The following DNAJB13 variants were observed in gnomAD, a reference collection of about 807,000 sequenced individuals.
DNAJB13 encodes DnaJ heat shock protein family (Hsp40) member B13.
In DNAJB13, 22 loss-of-function variants were observed where a neutral mutation model predicts 35.6. The ratio of observed to expected loss-of-function variants is 0.62; its 90% confidence interval spans 0.44 to 0.88. The LOEUF (loss-of-function observed/expected upper bound fraction) is 0.88, where lower values mean the gene tolerates loss of function less well. Among genes scored for constraint, DNAJB13 ranks in the 40% least tolerant of loss-of-function variants. The pLI, the probability that DNAJB13 is intolerant of heterozygous loss-of-function variation, is 0.00. For synonymous variants in DNAJB13, 136 were observed against 144.2 expected (o/e 0.94, Z 0.41); for missense variants, 370 against 384.3 (o/e 0.96, Z 0.31).
intron 3 of DNAJB13, 125 bp from the exon 4 acceptor site, chr11:73,964,753 T>C (rs1414883310): frequency 4.6e-6 from 5 of 1,083,098 alleles, no homozygotes; most frequent in Non-Finnish European, 5.4e-6. Flanking sequence ...GGAGCATATC[T>C]GGATAGGGAG....
intron 4 of DNAJB13, 57 bp downstream of exon 4, chr11:73,965,092 G>T: frequency 1.3e-6 from 2 of 1,513,134 alleles, no homozygotes; most frequent in South Asian, 1.3e-5. Context: ...CCTAGCAGCT[G>T]CCTCCTCCCT....
At chr11:73,961,560 C>CTCCA (rs1950932996) in intron 3 of DNAJB13, among the ~76,000 whole-genome samples, 1 of 152,240 alleles carries the variant, frequency 6.6e-6, no homozygotes, top group South Asian at 2.1e-4. Context: ...AACCTAGTGT[C>CTCCA]TCCACAACAG....
intron 1 of DNAJB13, among the ~76,000 whole-genome samples, chr11:73,956,226 G>A (rs1950737611): frequency 6.6e-6 from 1 of 152,192 alleles, no homozygotes; most frequent in Admixed American, 6.5e-5. Context: ...GGGAAGGGGA[G>A]TCTAACCTAG....
intron 4 of DNAJB13, chr11:73,965,869 C>T (rs1951100784): frequency 4.6e-6 from 2 of 432,604 alleles, no homozygotes; most frequent in Middle Eastern, 6.7e-4. Context: ...CAGCCCCCAG[C>T]CCCAGTCTCA....
At chr11:73,964,765 CTGTGTGTGTGTGTGTGTGTG>C (rs3222042) in intron 3 of DNAJB13, 93 bp from the exon 4 acceptor site, 97 of 659,672 alleles carry the variant, frequency 1.5e-4, no homozygotes, top group Middle Eastern at 9.2e-4. Context: ...GATAGGGAGG[CTGTGTGTGTGTGTGTGTGTG>C]TGTGTGTGTG....
chr11:73,960,327 C>T (rs1199968302), intron 3 of DNAJB13, among the ~76,000 whole-genome samples: 5 of 152,084 alleles, frequency 3.3e-5, no homozygotes, highest in African/African-American at 1.2e-4. Flanking sequence ...TACAGGCACC[C>T]ACCACCACAC....
chr11:73,959,425 C>A lies in DNAJB13; in HGVS notation c.173-69C>A, dbSNP rs148051163. On this transcript the variant is annotated intron_variant, in intron 2 of 7. Coordinates refer to ENST00000339764, the MANE Select transcript of DNAJB13 (RefSeq NM_153614.4). ...CCTTCCCTTTCTCCATATCCGCCTG[C>A]TTCCCAGCCCCTCCACCTATCTCAG... The A allele has an allele frequency of 7.2e-3, 11,150 of 1,549,474 alleles. 56 individuals carry two copies. The highest frequency in any genetic ancestry group is 0.028 in the Middle Eastern group (136 of 4,878).
intron 3 of DNAJB13, among the ~76,000 whole-genome samples, chr11:73,962,526 G>A (rs1209712298): frequency 6.8e-6 from 1 of 146,274 alleles, no homozygotes. Flanking sequence ...CGTGATTCCA[G>A]GTCTGAGACA....
rs761700862 is a variant in DNAJB13, at chr11:73,966,188, C to A, written c.543C>A (p.Thr181=). The stretch of plus-strand genomic sequence containing the variant: ...CCACCATCAAGGACAAGATCCTGAC[C>A]ATTGATGTGAAGCCCGGTTGGAGGC... ...YSSTIKDKIL[T]IDVKPGWRQG... The change falls in exon 5 of 8, where the codon ACC becomes ACA. Residue 181 remains threonine, a synonymous_variant. Transcript: ENST00000339764. The A allele has an allele frequency of 1.2e-6, 2 of 1,613,834 alleles. No individual in the cohort carries two copies. Among genetic ancestry groups the A allele is most frequent in the South Asian group, 1.1e-5 (1 of 90,910 alleles).
intron 1 of DNAJB13, among the ~76,000 whole-genome samples, chr11:73,957,303 C>T (rs1372455138): frequency 6.6e-6 from 1 of 152,196 alleles, no homozygotes; most frequent in East Asian, 1.9e-4. Flanking sequence ...GTCACAGCTC[C>T]GCTGAGGGCC....
At chr11:73,969,136 C>T (rs1038867721) in intron 6 of DNAJB13, 110 bp from the exon 7 acceptor site, 4 of 583,294 alleles carry the variant, frequency 6.9e-6, no homozygotes, top group Non-Finnish European at 1.2e-5. Flanking sequence ...GCCTCGTCTC[C>T]CTTGTGCCCA....
Position 73,964,926 on chromosome 11 carries a change from T to C in DNAJB13, c.383T>C (p.Leu128Pro), listed in dbSNP as rs772862695. 2.5e-6 allele frequency: 4 copies of C among 1,613,588 alleles called. No homozygotes were observed. The highest frequency in any genetic ancestry group is 3.4e-6 in the Non-Finnish European group (4 of 1,179,968). The part of the protein sequence containing the change: ...GSEVDLNFGG[L>P]QGRGVKKQDP... The stretch of plus-strand genomic sequence containing the variant: ...GAGGTAGATTTGAACTTTGGGGGGC[T>C]CCAGGGCCGAGGGGTCAAGAAGCAG... The change falls in exon 4 of 8, where the codon CTC becomes CCC. Residue 128 changes from leucine (L) to proline (P), a missense_variant. Leu to Pro is a moderately conservative substitution (Grantham distance 98). Transcript: ENST00000339764.
At position 73,964,818 on chromosome 11, in the gene DNAJB13, C is replaced by T. The variant is rs111609773; in HGVS notation, c.335-60C>T. The stretch of plus-strand genomic sequence containing the variant: ...GTGTGTGTGTGTGTGTGTGTGCGCG[C>T]GCGCGCATGTCTGGGTCTCTGGATA... On this transcript the variant is annotated intron_variant, in intron 3 of 7. Coordinates refer to ENST00000339764, the MANE Select transcript of DNAJB13 (RefSeq NM_153614.4). The T allele has an allele frequency of 7.9e-4, 1,187 of 1,511,204 alleles. 26 individuals are homozygous for T. In the African/African-American group the frequency reaches 0.014, roughly 17 times the overall value. The allele number at this position is 1,511,204 out of a possible 1,614,324, so 93.6% of individuals were successfully genotyped here.
rs568356949 is a variant in DNAJB13 at position 73,959,047 on chromosome 11, CAGGACTTCAGGGTCCTTAGACTCT to C, written c.173-442_173-419del. On this transcript the variant is annotated intron_variant, in intron 2 of 7. Coordinates refer to ENST00000339764, the MANE Select transcript of DNAJB13 (RefSeq NM_153614.4). The stretch of plus-strand genomic sequence containing the variant: ...TAAGGTTTCTACAGCCCCGAGTTTT[CAGGACTTCAGGGTCCTTAGACTCT>C]AGGATTTCGAAGTTTTAAAATTTGG... Among the ~76,000 whole-genome samples, 461 of 152,314 alleles carry C rather than the reference CAGGACTTCAGGGTCCTTAGACTCT, an allele frequency of 3.0e-3. 3 individuals are homozygous for C. The highest frequency in any genetic ancestry group is 0.011 in the African/African-American group (440 of 41,576).
At chr11:73,953,052 C>CA in intron 1 of DNAJB13, among the ~76,000 whole-genome samples, 1 of 152,098 alleles carries the variant, frequency 6.6e-6, no homozygotes, top group South Asian at 2.1e-4. Context: ...ATAGGGAGAC[C>CA]CTGTCTCTAC....
intron 6 of DNAJB13, among the ~76,000 whole-genome samples, chr11:73,968,714 C>T (rs1951196004): frequency 6.6e-6 from 1 of 152,194 alleles, no homozygotes; most frequent in Non-Finnish European, 1.5e-5. Flanking sequence ...GATCCTGCCA[C>T]ACACTCATCA....
intron 3 of DNAJB13, among the ~76,000 whole-genome samples, chr11:73,961,073 G>A (rs1484647735): frequency 6.6e-6 from 1 of 152,118 alleles, no homozygotes; most frequent in African/African-American, 2.4e-5. Flanking sequence ...GATTGCTTGA[G>A]TGTAGGAATT....
rs866705790 is a variant in DNAJB13, at chr11:73,964,804, T to A, written c.335-74T>A. The A allele has an allele frequency of 1.8e-5, 13 of 741,154 alleles. 1 individual carries two copies. The highest frequency in any genetic ancestry group is 8.8e-5 in the East Asian group (3 of 34,014). 45.9% of individuals were successfully genotyped at this position (741,154 alleles called of 1,614,324 possible). A position where few individuals can be genotyped will look rare whatever the true frequency, so the allele number is the denominator to read the frequency against. On this transcript the variant is annotated intron_variant, in intron 3 of 7. Coordinates refer to ENST00000339764, the MANE Select transcript of DNAJB13 (RefSeq NM_153614.4). ...GTGTGTGTGTGTGTGTGTGTGTGTG[T>A]GTGTGTGTGCGCGCGCGCGCATGTC...
intron 3 of DNAJB13, among the ~76,000 whole-genome samples, chr11:73,963,200 C>G (rs188798133): frequency 6.6e-6 from 1 of 152,066 alleles, no homozygotes; most frequent in Non-Finnish European, 1.5e-5. Flanking sequence ...AAAAACAAAG[C>G]CAGGCACAGT....
Sources: gnomAD v4.1 joint callset for allele counts (sites outside exome capture counted in the v4.1 genomes callset) on GRCh38, gnomAD v4.1.1 for gene constraint, MANE v1.5 for transcripts, NCBI Gene and HGNC (gene_info 2026-07-23, HGNC 2026-07-21) for gene names.